Variants in PRTFDC1 observed in about 807,000 individuals in gnomAD.
PRTFDC1 encodes phosphoribosyltransferase domain-containing protein 1.
In PRTFDC1, 38 loss-of-function variants were observed where a neutral mutation model predicts 34.6. The ratio of observed to expected loss-of-function variants is 1.10; its 90% confidence interval spans 0.85 to 1.44. The LOEUF (loss-of-function observed/expected upper bound fraction) is 1.44, where lower values mean the gene tolerates loss of function less well. Ranked by LOEUF, PRTFDC1 falls within the 40% of genes most tolerant of loss-of-function variation. The pLI is 0.00. For synonymous variants in PRTFDC1, 93 were observed against 98.1 expected, an observed-to-expected ratio of 0.95 and a Z score of 0.31; for missense variants, 270 against 283.0, an observed-to-expected ratio of 0.95 and a Z score of 0.33.
At chr10:24,851,517 A>ACTTCAGAGATCTG in intron 7 of PRTFDC1, 53 bp from the exon 8 acceptor site, 1 of 1,581,442 alleles carries the variant, frequency 6.3e-7, no homozygotes, top group Non-Finnish European at 8.5e-7. Context: ...TAGATTATAT[A>ACTTCAGAGATCTG]AATGCAAGTC....
chr10:24,873,789 C>T (rs935324065), intron 3 of PRTFDC1, among the ~76,000 whole-genome samples: 1 of 150,240 alleles, frequency 6.7e-6, no homozygotes, highest in African/African-American at 2.5e-5. Context: ...TGGAGTTGGT[C>T]ATCTGGGAAG....
chr10:24,932,741 A>G (rs981344179), intron 3 of PRTFDC1, among the ~76,000 whole-genome samples: 1 of 152,098 alleles, frequency 6.6e-6, no homozygotes, highest in Non-Finnish European at 1.5e-5. Context: ...GGCAATCTTG[A>G]TAAAATTCTA....
At chr10:24,880,628 T>A (rs1186338092) in intron 3 of PRTFDC1, among the ~76,000 whole-genome samples, 1 of 152,224 alleles carries the variant, frequency 6.6e-6, no homozygotes, top group Non-Finnish European at 1.5e-5. Flanking sequence ...ATGAGGCATA[T>A]GGTTAAGAAG....
chr10:24,903,797 C>G (rs143389679), intron 3 of PRTFDC1, among the ~76,000 whole-genome samples: 1 of 151,656 alleles, frequency 6.6e-6, no homozygotes, highest in African/African-American at 2.4e-5. Context: ...TTCAGCCTCC[C>G]AAGTAGCTGG....
intron 3 of PRTFDC1, among the ~76,000 whole-genome samples, chr10:24,936,416 C>T (rs1230201865): frequency 1.3e-5 from 2 of 151,890 alleles, no homozygotes. Context: ...GTACCTGGGA[C>T]CATAGGCACA....
intron 3 of PRTFDC1, among the ~76,000 whole-genome samples, chr10:24,873,846 A>C (rs978935472): frequency 2.0e-5 from 3 of 147,278 alleles, no homozygotes; most frequent in Non-Finnish European, 3.0e-5. Context: ...CCAATGAAAC[A>C]CCTTTTGTCT....
intron 2 of PRTFDC1, among the ~76,000 whole-genome samples, chr10:24,937,773 G>T (rs1359454259): frequency 6.6e-6 from 1 of 151,818 alleles, no homozygotes; most frequent in Non-Finnish European, 1.5e-5. Context: ...GGCCAGGCTG[G>T]TCTCGAACTC....
chr10:24,877,429 T>A (rs911073150), intron 3 of PRTFDC1, among the ~76,000 whole-genome samples: 1 of 152,226 alleles, frequency 6.6e-6, no homozygotes, highest in African/African-American at 2.4e-5. Flanking sequence ...TGAAGATAGA[T>A]GAACAATCCC....
chr10:24,860,421 G>C (rs7097703), intron 4 of PRTFDC1, among the ~76,000 whole-genome samples: 1 of 151,938 alleles, frequency 6.6e-6, no homozygotes, highest in Admixed American at 6.6e-5. Context: ...CTACACATTC[G>C]ATAACTTACT....
At chr10:24,908,400 A>C (rs778874037) in intron 3 of PRTFDC1, 1 of 1,415,848 alleles carries the variant, frequency 7.1e-7, no homozygotes, top group Admixed American at 2.1e-5. Context: ...CAGCAGACAC[A>C]GTGTCCAGTT....
intron 3 of PRTFDC1, among the ~76,000 whole-genome samples, chr10:24,905,408 G>A (rs1372439196): frequency 7.0e-6 from 1 of 142,836 alleles, no homozygotes; most frequent in African/African-American, 2.6e-5. Flanking sequence ...TGCAACCTCC[G>A]ACTCCCTGGT....
chr10:24,943,927 A>G (rs1849211549), intron 1 of PRTFDC1, among the ~76,000 whole-genome samples: 1 of 151,848 alleles, frequency 6.6e-6, no homozygotes, highest in African/African-American at 2.4e-5. Context: ...GGCCTTTCAC[A>G]ATGCAGACCC....
chr10:24,904,354 A>G (rs1373903742), intron 3 of PRTFDC1, among the ~76,000 whole-genome samples: 1 of 152,130 alleles, frequency 6.6e-6, no homozygotes, highest in Non-Finnish European at 1.5e-5. Flanking sequence ...GTCTGTGGGA[A>G]TGACCCACTT....
At chr10:24,913,040 C>T (rs1848648972) in intron 3 of PRTFDC1, among the ~76,000 whole-genome samples, 1 of 152,138 alleles carries the variant, frequency 6.6e-6, no homozygotes, top group Non-Finnish European at 1.5e-5. Context: ...TTTGACAATC[C>T]AGTTTAATGA....
intron 3 of PRTFDC1, among the ~76,000 whole-genome samples, chr10:24,906,106 C>T (rs910307561): frequency 6.6e-6 from 1 of 152,002 alleles, no homozygotes; most frequent in Non-Finnish European, 1.5e-5. Flanking sequence ...AGATCTGGTC[C>T]TGTCACCTCC....
chr10:24,911,065 G>T (rs538120074), intron 3 of PRTFDC1, among the ~76,000 whole-genome samples: 1 of 151,978 alleles, frequency 6.6e-6, no homozygotes, highest in East Asian at 1.9e-4. Flanking sequence ...GTGATAGTTA[G>T]AATTACTTGT....
intron 3 of PRTFDC1, among the ~76,000 whole-genome samples, chr10:24,894,936 A>G (rs1401212506): frequency 6.6e-6 from 1 of 152,094 alleles, no homozygotes; most frequent in Non-Finnish European, 1.5e-5. Context: ...GGGTGGTGAG[A>G]TAGAAGGAAA....
intron 3 of PRTFDC1, among the ~76,000 whole-genome samples, chr10:24,917,423 T>C (rs543402854): frequency 6.6e-6 from 1 of 152,330 alleles, no homozygotes; most frequent in Non-Finnish European, 1.5e-5. Flanking sequence ...CTCTTATTTG[T>C]CTTCTCTTAT....
chr10:24,882,681 A>AT (rs1382849456), intron 3 of PRTFDC1, among the ~76,000 whole-genome samples: 1 of 151,726 alleles, frequency 6.6e-6, no homozygotes, highest in Admixed American at 6.6e-5. Flanking sequence ...ATTTTTATTT[A>AT]TTTTTTTAGA....
Sources: allele counts gnomAD v4.1 joint callset (sites outside exome capture counted in the v4.1 genomes callset), GRCh38; gene constraint gnomAD v4.1.1; transcripts MANE v1.5; gene names NCBI Gene and HGNC (gene_info 2026-07-23, HGNC 2026-07-21).